PIK3C2A: variants seen among roughly 807,000 people sequenced by gnomAD.
PIK3C2A encodes phosphatidylinositol-4-phosphate 3-kinase catalytic subunit type 2 alpha.
PIK3C2A carries 97 observed loss-of-function variants against 204.5 expected under a neutral mutation model. That is an observed-to-expected ratio of 0.47 (90% CI 0.40 to 0.56). The LOEUF (loss-of-function observed/expected upper bound fraction) is 0.56, where lower values mean the gene tolerates loss of function less well. Among genes scored for constraint, PIK3C2A ranks in the 20% least tolerant of loss-of-function variants. The pLI, the probability that PIK3C2A is intolerant of heterozygous loss-of-function variation, is 0.00. For missense variants in PIK3C2A, 1,735 were observed against 1,969.2 expected, an observed-to-expected ratio of 0.88 and a Z score of 2.25; for synonymous variants, 653 against 664.4, an observed-to-expected ratio of 0.98 and a Z score of 0.26.
intron 25 of PIK3C2A, among the ~76,000 whole-genome samples, chr11:17,100,434 C>G (rs1182351716): frequency 6.6e-6 from 1 of 151,978 alleles, no homozygotes; most frequent in African/African-American, 2.4e-5. Flanking sequence ...GTTGGCCAGG[C>G]TGGTCTCGAA....
intron 8 of PIK3C2A, among the ~76,000 whole-genome samples, chr11:17,137,588 TA>T (rs1849916351): frequency 1.3e-5 from 2 of 151,974 alleles, no homozygotes; most frequent in African/African-American, 2.4e-5. Flanking sequence ...TTTGTATTTT[TA>T]GTAGAGATGG....
chr11:17,148,981 AAT>A (rs1850343186), intron 4 of PIK3C2A, among the ~76,000 whole-genome samples, 194 bp from the exon 5 acceptor site: 2 of 152,198 alleles, frequency 1.3e-5, no homozygotes, highest in Non-Finnish European at 2.9e-5. Flanking sequence ...TAATTTTAAT[AAT>A]ATGTTTTATT....
At chr11:17,127,309 T>A (rs190874123) in intron 13 of PIK3C2A, among the ~76,000 whole-genome samples, 1 of 151,954 alleles carries the variant, frequency 6.6e-6, no homozygotes, top group Admixed American at 6.6e-5. Context: ...AATAAATATG[T>A]GTTTTTTTTT....
intron 1 of PIK3C2A, among the ~76,000 whole-genome samples, chr11:17,198,920 A>G (rs1852261992): frequency 6.6e-6 from 1 of 152,052 alleles, no homozygotes; most frequent in South Asian, 2.1e-4. Context: ...GCAATTCGAG[A>G]CCAGCCTGGC....
At position 17,169,716 on chromosome 11, in the gene PIK3C2A, C is replaced by T; in HGVS notation, c.26G>A (p.Gly9Glu). The T allele has an allele frequency of 6.2e-7, 1 of 1,603,780 alleles. No individual in the cohort carries two copies. Among genetic ancestry groups the T allele is most frequent in the Non-Finnish European group, 8.5e-7 (1 of 1,178,936 alleles). ...ATGTGAAGATGGACATTCTTTAAATCCGCTGTTGCTAGATATCTGAGCCAT... is the reference window on the plus strand; with the variant it reads ...ATGTGAAGATGGACATTCTTTAAATTCGCTGTTGCTAGATATCTGAGCCAT... MAQISSNS[G>E]FKECPSSHPE... The change falls in exon 2 of 33, where the codon GGA (glycine) becomes GAA (glutamate). Residue 9 changes from glycine to glutamate, a missense_variant. This residue lies in a region of PIK3C2A where 536 missense variants were observed against 546.7 expected (regional missense o/e 0.98). Transcript: ENST00000691414.
intron 2 of PIK3C2A, among the ~76,000 whole-genome samples, chr11:17,156,533 C>T (rs1046520223): frequency 2.0e-5 from 3 of 152,082 alleles, no homozygotes; most frequent in Non-Finnish European, 4.4e-5. Flanking sequence ...CAGGCATGGG[C>T]CACCCCACCT....
At chr11:17,157,459 CAAAAAA>C (rs11387654) in intron 2 of PIK3C2A, among the ~76,000 whole-genome samples, 14 of 99,630 alleles carry the variant, frequency 1.4e-4, no homozygotes, top group Middle Eastern at 5.7e-3. Context: ...GACTCTGTCT[CAAAAAA>C]AAAAAAAAAA....
chr11:17,202,583 AAAG>A (rs1236307870), intron 1 of PIK3C2A, among the ~76,000 whole-genome samples: 1 of 152,134 alleles, frequency 6.6e-6, no homozygotes, highest in Non-Finnish European at 1.5e-5. Flanking sequence ...CAAAAAAAAA[AAAG>A]AACAGAACAC....
rs370455275 is a variant in PIK3C2A at position 17,102,761 on chromosome 11, C to T, written c.3752G>A (p.Arg1251Gln). ...VATYVLGICD[R>Q]HNDNIMLRST... ...TCGAAGCATTATATTGTCATTGTGT[C>T]GATCACAGATGCCTAAAACATAGGT... Residue 1251 changes from arginine to glutamine, a missense_variant, in exon 24 of 33, where the codon CGA (arginine) becomes CAA (glutamine). Coordinates refer to ENST00000691414, the MANE Select transcript of PIK3C2A (RefSeq NM_002645.4). The T allele has an allele frequency of 4.3e-6, 7 of 1,612,858 alleles. No individual in the cohort carries two copies. The highest frequency in any genetic ancestry group is 1.1e-5 in the South Asian group (1 of 91,014).
At chr11:17,191,571 T>A (rs760416459) in intron 1 of PIK3C2A, among the ~76,000 whole-genome samples, 6 of 152,214 alleles carry the variant, frequency 3.9e-5, no homozygotes, top group East Asian at 1.9e-4. Context: ...CTTGGTTCTA[T>A]GGGCTCCTTG....
At chr11:17,104,501 G>A (rs528122281) in intron 23 of PIK3C2A, among the ~76,000 whole-genome samples, 3 of 152,094 alleles carry the variant, frequency 2.0e-5, no homozygotes, top group Admixed American at 6.5e-5. Flanking sequence ...TGAAGCGGGC[G>A]GATCACAAGG....
At chr11:17,142,163 T>C (rs530174856) in intron 8 of PIK3C2A, among the ~76,000 whole-genome samples, 19 of 152,344 alleles carry the variant, frequency 1.2e-4, no homozygotes, top group African/African-American at 4.3e-4. Flanking sequence ...GTTTTGTACA[T>C]CTTAAATTTG....
chr11:17,198,636 G>A (rs1852247027), intron 1 of PIK3C2A, among the ~76,000 whole-genome samples: 1 of 152,006 alleles, frequency 6.6e-6, no homozygotes, highest in Non-Finnish European at 1.5e-5. Flanking sequence ...TCAGTATGTT[G>A]CTACCATTAA....
At chr11:17,118,793 C>T in intron 17 of PIK3C2A, 54 bp from the exon 18 acceptor site, 1 of 798,250 alleles carries the variant, frequency 1.3e-6, no homozygotes, top group East Asian at 2.5e-5. Context: ...CTAAATTGTT[C>T]CAATAAAACT....
chr11:17,169,598 C>A lies in PIK3C2A; in HGVS notation c.144G>T (p.Val48=). 1 of 1,614,108 alleles carries A rather than the reference C, an allele frequency of 6.2e-7. No individual in the cohort carries two copies. Among genetic ancestry groups the A allele is most frequent in the South Asian group, 1.1e-5 (1 of 91,068 alleles). ...ACTCAAAGCCTCTCTGATTGTCAGT[C>A]ACTTGTCTATCCTTTTGCAGTTTTG... The part of the protein sequence containing the change: ...ALAKLQKDRQ[V]TDNQRGFELS... Residue 48 remains valine (V), a synonymous_variant, in exon 2 of 33, where the codon GTG becomes GTT. Transcript: ENST00000691414.
intron 13 of PIK3C2A, 79 bp downstream of exon 13, chr11:17,129,221 T>G: frequency 8.8e-7 from 1 of 1,131,310 alleles, no homozygotes; most frequent in South Asian, 1.4e-5. Context: ...GTTCCTCCCC[T>G]CACCTCCTTG....
intron 1 of PIK3C2A, among the ~76,000 whole-genome samples, chr11:17,185,392 C>T (rs1851718342): frequency 6.6e-6 from 1 of 152,166 alleles, no homozygotes; most frequent in Admixed American, 6.5e-5. Flanking sequence ...ATGACATTCA[C>T]ACAATGACAA....
chr11:17,141,519 T>C (rs1191456113), intron 8 of PIK3C2A: 1 of 152,202 alleles, frequency 6.6e-6, no homozygotes, highest in East Asian at 1.9e-4. Context: ...AAAGTTCCCA[T>C]ATAATGTTGG....
Position 17,119,889 on chromosome 11 carries a change from T to C in PIK3C2A, c.2743A>G (p.Ser915Gly). ...HPNCLPKILASAPNWKWVNLA... is the reference protein window; with the variant it reads ...HPNCLPKILAGAPNWKWVNLA... The stretch of plus-strand genomic sequence containing the variant: ...TTAACCCATTTCCAGTTTGGGGCGC[T>C]TGCTAATATTTTAGGAAGACAATTT... Residue 915 changes from serine (S) to glycine (G), a missense_variant, in exon 16 of 33, where the codon AGC becomes GGC. Coordinates refer to ENST00000691414, the MANE Select transcript of PIK3C2A (RefSeq NM_002645.4). 6.2e-7 allele frequency: 1 copy of C among 1,612,076 alleles called. No individual in the cohort carries two copies. Among genetic ancestry groups the C allele is most frequent in the Non-Finnish European group, 8.5e-7 (1 of 1,178,832 alleles).
Sources: gnomAD v4.1 joint callset for allele counts (sites outside exome capture counted in the v4.1 genomes callset) on GRCh38, gnomAD v4.1.1 for gene constraint, gnomAD v4.1.1 regional missense constraint, MANE v1.5 for transcripts, NCBI Gene and HGNC (gene_info 2026-07-23, HGNC 2026-07-21) for gene names.